Variants in AXIN1 observed in about 807,000 individuals in gnomAD.
AXIN1 encodes the protein axin 1.
In AXIN1, 30 loss-of-function variants were observed where a neutral mutation model predicts 76.4. The observed-to-expected ratio is 0.39, with a 90% CI of 0.29 to 0.53. The LOEUF (loss-of-function observed/expected upper bound fraction) is 0.53, where lower values mean the gene tolerates loss of function less well. AXIN1 is among the 20% of genes least tolerant of loss of function. The pLI, the probability that AXIN1 is intolerant of heterozygous loss-of-function variation, is 0.66. For synonymous variants in AXIN1, 545 were observed against 501.4 expected (o/e 1.09, Z -1.16); for missense variants, 1,140 against 1,198.8 (o/e 0.95, Z 0.72).
chr16:339,703 G>C (rs2053878008), intron 2 of AXIN1, among the ~76,000 whole-genome samples: 1 of 151,734 alleles, frequency 6.6e-6, no homozygotes, highest in Non-Finnish European at 1.5e-5. Context: ...ATTCTCTTCA[G>C]ATCTGCTCAA....
In AXIN1 at chr16:289,713, G is replaced by A. The variant is rs2052499304; in HGVS notation, c.2295-106C>T. The A allele has an allele frequency of 5.6e-6, 8 of 1,438,912 alleles. No homozygotes were observed. In the East Asian group the frequency reaches 9.8e-5, roughly 18 times the overall value. 89.1% of individuals were successfully genotyped at this position (1,438,912 alleles called of 1,614,324 possible). A position where few individuals can be genotyped will look rare whatever the true frequency, so the allele number is the denominator to read the frequency against. The stretch of plus-strand genomic sequence containing the variant: ...GTGTAAGGCGGGGCAGGCCTGCAGG[G>A]GTGAGCAGCACCCCATTCAAACACC... On this transcript the variant is annotated intron_variant, in intron 9 of 10. Transcript: ENST00000262320.
intron 1 of AXIN1, among the ~76,000 whole-genome samples, chr16:347,478 T>C (rs1476919531): frequency 6.6e-6 from 1 of 152,216 alleles, no homozygotes; most frequent in African/African-American, 2.4e-5. Flanking sequence ...AAGCTGCCTC[T>C]AGTCCTGACT....
intron 2 of AXIN1, among the ~76,000 whole-genome samples, chr16:337,133 G>C (rs976681191): frequency 4.9e-5 from 5 of 101,804 alleles, no homozygotes; most frequent in African/African-American, 2.0e-4. Flanking sequence ...CTGGGTGACA[G>C]AGCAAGACCC....
chr16:291,306 C>A lies in AXIN1; in HGVS notation c.2187-9G>T, dbSNP rs772883171. On this transcript the variant is annotated splice_polypyrimidine_tract_variant and intron_variant, in intron 8 of 10. Transcript: ENST00000262320. ...TAACCTCCTGCACATACCTAGGGAA[C>A]AACCCGCGTCAAAGGTGGCTGTGCC... The A allele has an allele frequency of 6.4e-7, 1 of 1,564,088 alleles. No homozygotes were observed. Among genetic ancestry groups the A allele is most frequent in the East Asian group, 2.3e-5 (1 of 42,702 alleles).
chr16:320,946 G>C (rs946228760), intron 2 of AXIN1, among the ~76,000 whole-genome samples: 1 of 151,816 alleles, frequency 6.6e-6, no homozygotes, highest in Non-Finnish European at 1.5e-5. Context: ...CGCCGTGTTG[G>C]TCAGGCTGGT....
chr16:340,024 TTTCTTTTTC>T (rs2053884653), intron 2 of AXIN1, among the ~76,000 whole-genome samples: 1 of 151,128 alleles, frequency 6.6e-6, no homozygotes, highest in African/African-American at 2.4e-5. Flanking sequence ...TTTTGGGCCC[TTTCTTTTTC>T]TTCTTCTTCT....
intron 10 of AXIN1, 84 bp from the exon 11 acceptor site, chr16:288,332 A>G: frequency 6.3e-7 from 1 of 1,594,490 alleles, no homozygotes; most frequent in Non-Finnish European, 8.6e-7. Context: ...GCGTGTCCAC[A>G]CCCCATCCCG....
At chr16:318,696 G>C (rs1243319780) in intron 2 of AXIN1, among the ~76,000 whole-genome samples, 1 of 152,204 alleles carries the variant, frequency 6.6e-6, no homozygotes, top group African/African-American at 2.4e-5. Flanking sequence ...TGCGTGCTTT[G>C]TGTGTGCATG....
intron 4 of AXIN1, among the ~76,000 whole-genome samples, chr16:304,831 G>A (rs548867263): frequency 1.3e-4 from 20 of 152,306 alleles, no homozygotes; most frequent in Non-Finnish European, 2.4e-4. Flanking sequence ...CACCGGGCCC[G>A]GCCTTTGTTG....
In AXIN1 at chr16:295,555, A is replaced by G. The variant is rs561102174; in HGVS notation, c.1955+1501T>C. ...GACAGAGGGAGACTCTGTCGCAAAA[A>G]ATTAAAAAAAAAGTCTTAATGAATA... On this transcript the variant is annotated intron_variant, in intron 7 of 10. Transcript: ENST00000262320. Among the ~76,000 whole-genome samples, 18 of 152,090 alleles carry G rather than the reference A, an allele frequency of 1.2e-4. No homozygotes were observed. The East Asian group carries it at 1.7e-3, about 15-fold the overall frequency.
At chr16:290,895 AG>A (rs1406090030) in intron 9 of AXIN1, 10 of 498,648 alleles carry the variant, frequency 2.0e-5, no homozygotes, top group African/African-American at 1.7e-4. Context: ...TCTGCCCCAC[AG>A]GAAGCCTGGC....
In AXIN1 at chr16:346,236, G is replaced by A. The variant is rs759689257; in HGVS notation, c.790C>T (p.Pro264Ser). 9 of 1,614,110 alleles carry A rather than the reference G, an allele frequency of 5.6e-6. No homozygotes were observed. The highest frequency in any genetic ancestry group is 6.8e-6 in the Non-Finnish European group (8 of 1,180,028). ...DEDDGRDAAP[P>S]GRLPQKLLLE... Reference sequence around the variant, plus strand: ...AGCAGCTTCTGAGGGAGTCTTCCGGGGGGAGCAGCGTCTCTGCCATCGTCC... The same window carrying A: ...AGCAGCTTCTGAGGGAGTCTTCCGGAGGGAGCAGCGTCTCTGCCATCGTCC... The change falls in exon 2 of 11, where the codon CCC (proline) becomes TCC (serine). Residue 264 changes from proline (P) to serine (S), a missense_variant. Pro to Ser is a moderately conservative substitution (Grantham distance 74). Coordinates refer to ENST00000262320, the MANE Select transcript of AXIN1 (RefSeq NM_003502.4).
At chr16:327,717 C>A (rs774352216) in intron 2 of AXIN1, among the ~76,000 whole-genome samples, 16 of 152,272 alleles carry the variant, frequency 1.1e-4, no homozygotes, top group Admixed American at 9.8e-4. Flanking sequence ...CTACTGACCA[C>A]AGGCAGTCTG....
chr16:330,154 G>A (rs561221811), intron 2 of AXIN1, among the ~76,000 whole-genome samples: 20 of 150,224 alleles, frequency 1.3e-4, no homozygotes, highest in African/African-American at 4.9e-4. Context: ...TCAACCTCCC[G>A]GTCTCAGGTG....
chr16:307,858 T>G (rs1453770555), intron 4 of AXIN1, among the ~76,000 whole-genome samples: 3 of 152,214 alleles, frequency 2.0e-5, no homozygotes, highest in Admixed American at 6.5e-5. Context: ...CCGCCTCTGC[T>G]CACCACCATC....
chr16:297,897 G>A lies in AXIN1; in HGVS notation c.1609C>T (p.His537Tyr), dbSNP rs752963758. 3 of 1,593,842 alleles carry A rather than the reference G, an allele frequency of 1.9e-6. No individual in the cohort carries two copies. The highest frequency in any genetic ancestry group is 2.3e-5 in the South Asian group (2 of 88,540). ...AGLHHHRHVH[H>Y]HVHHSTARPK... ...CGGGCTGTGCTGTGGTGGACGTGGT[G>A]GTGGACGTGTCGGTGGTGGTGCAGG... Residue 537 changes from histidine to tyrosine, a missense_variant, in exon 6 of 11, where the codon CAC (histidine) becomes TAC (tyrosine). Around this residue, in one of 3 missense-constraint regions of AXIN1, gnomAD observed 708 missense variants for 776.9 expected, o/e 0.91. Transcript: ENST00000262320.
rs150517739 is a variant in AXIN1, at chr16:335,188, C to A, written c.878+10960G>T. ...GTGGTATCTCCAACATAACTCCACA[C>A]TGCACCACGAAGCTATAAATTCCAA... On this transcript the variant is annotated intron_variant, in intron 2 of 10. Transcript: ENST00000262320. 2.3e-3 allele frequency among the ~76,000 whole-genome samples: 343 copies of A among 152,306 alleles called. 2 individuals carry two copies. The highest frequency in any genetic ancestry group is 8.0e-3 in the African/African-American group (333 of 41,550).
intron 5 of AXIN1, among the ~76,000 whole-genome samples, chr16:300,922 C>T (rs914288930): frequency 2.6e-5 from 4 of 152,194 alleles, no homozygotes; most frequent in East Asian, 1.9e-4. Context: ...CTTAACCACT[C>T]GGCTAATGGT....
intron 4 of AXIN1, among the ~76,000 whole-genome samples, chr16:308,599 C>T (rs111595138): frequency 9.8e-4 from 149 of 152,368 alleles, no homozygotes; most frequent in African/African-American, 3.5e-3. Context: ...AGCGGCTCCG[C>T]GGGTTCTTGA....
Sources: allele counts gnomAD v4.1 joint callset (sites outside exome capture counted in the v4.1 genomes callset), GRCh38; gene constraint gnomAD v4.1.1; regional missense constraint gnomAD v4.1.1; transcripts MANE v1.5; gene names NCBI Gene and HGNC (gene_info 2026-07-23, HGNC 2026-07-21).